The following ZDHHC16 variants were observed in gnomAD, a reference collection of about 807,000 sequenced individuals.
The protein encoded by ZDHHC16 is palmitoyltransferase ZDHHC16.
ZDHHC16 carries 33 observed loss-of-function variants against 54.4 expected under a neutral mutation model. The observed-to-expected ratio is 0.61, with a 90% CI of 0.46 to 0.81. The LOEUF is 0.81. Among genes scored for constraint, ZDHHC16 ranks in the 30% least tolerant of loss-of-function variants. ZDHHC16 has a pLI of 0.00. For missense variants in ZDHHC16, 420 were observed against 485.9 expected, an observed-to-expected ratio of 0.86 and a Z score of 1.28; for synonymous variants, 185 against 182.1, an observed-to-expected ratio of 1.02 and a Z score of -0.13.
chr10:97,446,750 G>C (rs1346698714), intron 1 of ZDHHC16, among the ~76,000 whole-genome samples: 1 of 152,070 alleles, frequency 6.6e-6, no homozygotes, highest in African/African-American at 2.4e-5. Flanking sequence ...GAGGAGTCTC[G>C]CTCTGTCGCC....
chr10:97,453,070 A>C, intron 6 of ZDHHC16, 147 bp downstream of exon 6: 1 of 1,019,742 alleles, frequency 9.8e-7, no homozygotes, highest in Non-Finnish European at 1.5e-6. Context: ...GAGAGCAGGA[A>C]GCTCACACTC....
rs1847023168 is a variant in ZDHHC16, at chr10:97,454,918, GT to G, written c.824+121del. The stretch of plus-strand genomic sequence containing the variant: ...CTGCCACTGCTCTAGTCTAACTTAG[GT>G]TGGCAGAGAGCCAGCACTTTCTTCA... On this transcript the variant is annotated intron_variant, in intron 9 of 11. Transcript: ENST00000393760. The G allele has an allele frequency of 5.0e-5, 42 of 842,504 alleles. No homozygotes were observed. In the South Asian group the frequency reaches 6.4e-4, roughly 13 times the overall value. 52.2% of individuals were successfully genotyped at this position (842,504 alleles called of 1,614,324 possible).
chr10:97,455,539 G>T, intron 9 of ZDHHC16, 121 bp from the exon 10 acceptor site: 1 of 1,500,142 alleles, frequency 6.7e-7, no homozygotes, highest in Non-Finnish European at 9.2e-7. Context: ...TATATGGTGG[G>T]AGGTGAGGAA....
intron 3 of ZDHHC16, 83 bp from the exon 4 acceptor site, chr10:97,452,007 G>A (rs1399842408): frequency 6.3e-6 from 10 of 1,597,648 alleles, no homozygotes; most frequent in African/African-American, 2.7e-5. Context: ...TTTGGAGGCC[G>A]GCCCCCACCC....
intron 9 of ZDHHC16, 129 bp from the exon 10 acceptor site, chr10:97,455,531 T>C (rs1169847153): frequency 1.1e-5 from 16 of 1,458,218 alleles, no homozygotes; most frequent in African/African-American, 1.4e-5. Flanking sequence ...ATCTAGGATA[T>C]ATGGTGGGAG....
At position 97,453,086 on chromosome 10, in the gene ZDHHC16, C is replaced by T. The variant is rs536568325; in HGVS notation, c.556+163C>T. 4.3e-4 allele frequency among the ~76,000 whole-genome samples: 65 copies of T among 152,318 alleles called. 1 individual carries two copies. In the South Asian group the frequency reaches 0.011, roughly 26 times the overall value. The stretch of plus-strand genomic sequence containing the variant: ...AGAGCAGGAAGCTCACACTCTAGGA[C>T]GGATCTTCTTGGAGCAGGGAATCTT... On this transcript the variant is annotated intron_variant, in intron 6 of 11. Transcript: ENST00000393760.
At chr10:97,451,559 C>A in intron 2 of ZDHHC16, 112 bp from the exon 3 acceptor site, 1 of 1,446,710 alleles carries the variant, frequency 6.9e-7, no homozygotes, top group Non-Finnish European at 9.3e-7. Flanking sequence ...ACTGGCCTAG[C>A]TGGGTCTTAG....
At chr10:97,446,647 A>T (rs547164187) in intron 1 of ZDHHC16, among the ~76,000 whole-genome samples, 146 of 152,310 alleles carry the variant, frequency 9.6e-4, no homozygotes, top group Middle Eastern at 3.4e-3. Context: ...CCAAACTGGA[A>T]CCCACGGTTT....
intron 1 of ZDHHC16, among the ~76,000 whole-genome samples, chr10:97,447,140 G>A (rs1564795995): frequency 6.6e-6 from 1 of 152,200 alleles, no homozygotes; most frequent in Non-Finnish European, 1.5e-5. Context: ...GTCATCAAAA[G>A]ATAAGCAGCC....
rs1847125994 is a variant in ZDHHC16, at chr10:97,455,858, A to AG, written c.948+78dup. The AG allele has an allele frequency of 5.6e-6, 9 of 1,600,962 alleles. No homozygotes were observed. The East Asian group carries it at 2.0e-4, about 36-fold the overall frequency. The stretch of plus-strand genomic sequence containing the variant: ...TCTCCTGTAAACAGAGGCCATGGGC[A>AG]GGGCTGACTAGGGCAAGCATTGTAA... On this transcript the variant is annotated intron_variant, in intron 10 of 11. Coordinates refer to ENST00000393760, the MANE Select transcript of ZDHHC16 (RefSeq NM_198046.3).
In ZDHHC16 at chr10:97,451,799, G is replaced by A. The variant is rs748207590; in HGVS notation, c.124G>A (p.Gly42Ser). The A allele has an allele frequency of 1.3e-5, 21 of 1,614,204 alleles. No individual in the cohort carries two copies. Among genetic ancestry groups the A allele is most frequent in the South Asian group, 1.2e-4 (11 of 91,088 alleles). ...LRGLVQRWRY[G>S]KVCLRSLLYN... ...GGGTCTAGTACAGCGCTGGCGCTAC[G>A]GCAAGGTCTGCCTGCGCTCCCTGCT... Residue 42 changes from glycine to serine, a missense_variant, in exon 3 of 12, where the codon GGC becomes AGC. Gly to Ser is a moderately conservative substitution (Grantham distance 56, BLOSUM62 0). Coordinates refer to ENST00000393760, the MANE Select transcript of ZDHHC16 (RefSeq NM_198046.3).
Position 97,451,742 on chromosome 10 carries a change from G to T in ZDHHC16, c.67G>T (p.Gly23Cys). Residue 23 changes from glycine (G) to cysteine (C), a missense_variant, in exon 3 of 12, where the codon GGT becomes TGT. Transcript: ENST00000393760. ...RLCLRLLLLLGYRRRCPPLLR... is the reference protein window; with the variant it reads ...RLCLRLLLLLCYRRRCPPLLR... Reference sequence around the variant, plus strand: ...CTGCCTCCGCCTCCTTCTGCTGCTGGGTTACAGGCGCCGCTGTCCACCTCT... The same window carrying T: ...CTGCCTCCGCCTCCTTCTGCTGCTGTGTTACAGGCGCCGCTGTCCACCTCT... 6.2e-7 allele frequency: 1 copy of T among 1,613,832 alleles called. No homozygotes were observed. The highest frequency in any genetic ancestry group is 1.1e-5 in the South Asian group (1 of 91,066).
In ZDHHC16 at chr10:97,453,676, G is replaced by C. The variant is rs749005932; in HGVS notation, c.690+13G>C. The C allele has an allele frequency of 2.5e-6, 4 of 1,614,186 alleles. No individual in the cohort carries two copies. In the Admixed American group the frequency reaches 5.0e-5, roughly 20 times the overall value. On this transcript the variant is annotated intron_variant, in intron 7 of 11. Transcript: ENST00000393760. ...TGCTGCCATTGAGGTGAGCTCATCA[G>C]GAACAGGGCAGCTCAGTAGTGCAGA...
At chr10:97,452,068 C>G in intron 3 of ZDHHC16, 22 bp from the exon 4 acceptor site, 1 of 1,613,668 alleles carries the variant, frequency 6.2e-7, no homozygotes, top group South Asian at 1.1e-5. Flanking sequence ...CCATGTCTCC[C>G]TGACCTTGCT....
At position 97,456,854 on chromosome 10, in the gene ZDHHC16, G is replaced by T. The variant is rs1847319002; in HGVS notation, c.1097G>T (p.Trp366Leu). 1 of 1,613,250 alleles carries T rather than the reference G, an allele frequency of 6.2e-7. No individual in the cohort carries two copies. The highest frequency in any genetic ancestry group is 2.2e-5 in the East Asian group (1 of 44,858). The change falls in exon 12 of 12, where the codon TGG becomes TTG. Residue 366 changes from tryptophan to leucine, a missense_variant. Transcript: ENST00000393760. ...GNGMSWEPPP[W>L]VTAHSASVMA... ...GGAATGAGCTGGGAGCCCCCTCCCT[G>T]GGTGACTGCTCACTCAGCCTCTGTG... is the stretch of plus-strand genomic sequence containing the variant.
chr10:97,448,849 T>TA (rs1360838269), intron 1 of ZDHHC16, among the ~76,000 whole-genome samples: 6 of 152,218 alleles, frequency 3.9e-5, no homozygotes, highest in Non-Finnish European at 8.8e-5. Flanking sequence ...TATGGGAAGA[T>TA]ACGTATAGGT....
At position 97,455,708 on chromosome 10, in the gene ZDHHC16, CA is replaced by C. The variant is rs1847108024; in HGVS notation, c.874del (p.Ile292SerfsTer68). 1.9e-6 allele frequency: 3 copies of C among 1,614,072 alleles called. No homozygotes were observed. The South Asian group carries it at 3.3e-5, about 18-fold the overall frequency. On this transcript the variant is annotated frameshift_variant, in exon 10 of 12. Coordinates refer to ENST00000393760, the MANE Select transcript of ZDHHC16 (RefSeq NM_198046.3). LOFTEE classifies it high-confidence loss of function. Reference protein sequence around the residue: ...GALTVWHAVLISRGETSIERH... With the variant: ...GALTVWHAVLXSRGETSIERH... ...CCCTAACTGTATGGCATGCTGTTCT[CA>C]TCAGTCGAGGTGAGACTAGCATCGA...
At chr10:97,450,134 G>C (rs1254575494) in intron 1 of ZDHHC16, among the ~76,000 whole-genome samples, 1 of 151,926 alleles carries the variant, frequency 6.6e-6, no homozygotes, top group Non-Finnish European at 1.5e-5. Context: ...GCCTCCCAAA[G>C]TGCTGGGATT....
chr10:97,456,040 G>A lies in ZDHHC16; in HGVS notation c.1015G>A (p.Gly339Arg), dbSNP rs774341532. The A allele has an allele frequency of 1.2e-5, 20 of 1,614,004 alleles. No homozygotes were observed. Among genetic ancestry groups the A allele is most frequent in the Admixed American group, 1.7e-5 (1 of 60,000 alleles). ...GAAGGTATTCCTGGGTGTGGATACA[G>A]GAAGGTAATGTAAGACACACAGACT... ...NWKVFLGVDT[G>R]RHWLTRVLLP... The change falls in exon 11 of 12, where the codon GGA becomes AGA. Residue 339 changes from glycine to arginine, a missense_variant. Gly to Arg is a moderately radical substitution (Grantham distance 125). Transcript: ENST00000393760.
Sources: gnomAD v4.1 joint callset for allele counts (sites outside exome capture counted in the v4.1 genomes callset) on GRCh38, gnomAD v4.1.1 for gene constraint, MANE v1.5 for transcripts, NCBI Gene and HGNC (gene_info 2026-07-23, HGNC 2026-07-21) for gene names.